The following BBS9 variants were observed in gnomAD, a reference collection of about 807,000 sequenced individuals.
The protein encoded by BBS9 is protein PTHB1.
Under a neutral mutation model 117.7 loss-of-function variants are expected in BBS9, and 89 were observed. That is an observed-to-expected ratio of 0.76 (90% CI 0.64 to 0.90). The LOEUF (loss-of-function observed/expected upper bound fraction) is 0.90, where lower values mean the gene tolerates loss of function less well. Among genes scored for constraint, BBS9 ranks in the 40% least tolerant of loss-of-function variants. BBS9 has a pLI of 0.00. For missense variants in BBS9, 982 were observed against 1,042.2 expected (o/e 0.94, Z 0.80); for synonymous variants, 379 against 370.9 (o/e 1.02, Z -0.25).
At chr7:33,329,020 T>TATTC (rs1184250394) in intron 9 of BBS9, among the ~76,000 whole-genome samples, 58 of 151,170 alleles carry the variant, frequency 3.8e-4, no homozygotes, top group African/African-American at 1.3e-3. Flanking sequence ...TTTATTTATT[T>TATTC]ATTTATTTGT....
Position 33,357,870 on chromosome 7 carries a change from T to G in BBS9, c.1568T>G (p.Ile523Ser). 1 of 1,612,096 alleles carries G rather than the reference T, an allele frequency of 6.2e-7. No individual in the cohort carries two copies. Among genetic ancestry groups the G allele is most frequent in the South Asian group, 1.1e-5 (1 of 91,032 alleles). The change falls in exon 16 of 23, where the codon ATC (isoleucine) becomes AGC (serine). Residue 523 changes from isoleucine to serine, a missense_variant. Transcript: ENST00000242067. ...TTTATTTTAGGCATTCCGCGAGTTA[T>G]CCAATGTAAATTTAGACTTCCCCTA... ...DRNPDGIPRV[I>S]QCKFRLPLKL...
chr7:33,259,038 G>T (rs1170103985), intron 6 of BBS9, among the ~76,000 whole-genome samples: 1 of 151,992 alleles, frequency 6.6e-6, no homozygotes, highest in Non-Finnish European at 1.5e-5. Context: ...AATCAAGAAG[G>T]TTTACAACAT....
rs541140226 is a variant in BBS9, at chr7:33,359,200, A to G, written c.1693+1205A>G. 4.4e-4 allele frequency among the ~76,000 whole-genome samples: 67 copies of G among 152,076 alleles called. 1 individual carries two copies. The highest frequency in any genetic ancestry group is 1.4e-3 in the African/African-American group (59 of 41,544). The stretch of plus-strand genomic sequence containing the variant: ...AACTTATTAGTTTCTTGGGTCTCCT[A>G]TACTACCTTAGGAACATAGTTGGAA... On this transcript the variant is annotated intron_variant, in intron 16 of 22. Transcript: ENST00000242067.
chr7:33,608,105 C>T (rs1864678940), downstream of BBS9, among the ~76,000 whole-genome samples: 1 of 151,968 alleles, frequency 6.6e-6, no homozygotes, highest in African/African-American at 2.4e-5. Context: ...TCCATGAGTA[C>T]CCATTGTTTA....
chr7:33,232,203 A>G (rs1792590136), intron 5 of BBS9, among the ~76,000 whole-genome samples: 1 of 152,154 alleles, frequency 6.6e-6, no homozygotes. Context: ...TATTATAGCA[A>G]TACCAATCTT....
chr7:33,245,543 T>C (rs535030413), intron 5 of BBS9, among the ~76,000 whole-genome samples: 24 of 152,304 alleles, frequency 1.6e-4, no homozygotes, highest in African/African-American at 5.5e-4. Context: ...GTAAATACTT[T>C]TGGTTCTAGT....
rs923435276 is a variant in BBS9, at chr7:33,325,223, A to G, written c.1017-11218A>G. Among the ~76,000 whole-genome samples, 9 of 152,276 alleles carry G rather than the reference A, an allele frequency of 5.9e-5. No individual in the cohort carries two copies. In the East Asian group the frequency reaches 7.7e-4, roughly 13 times the overall value. ...TATATTTTCAAATAGCCTGTCTTCA[A>G]GCTTACTAATTCTTCTACTTGATTA... On this transcript the variant is annotated intron_variant, in intron 9 of 22. Coordinates refer to ENST00000242067, the MANE Select transcript of BBS9 (RefSeq NM_198428.3).
At chr7:33,591,866 C>CCATCATCAT (rs138958813) in intron 21 of BBS9, among the ~76,000 whole-genome samples, 35 of 151,198 alleles carry the variant, frequency 2.3e-4, no homozygotes, top group African/African-American at 4.4e-4. Flanking sequence ...GCCGTCGTCG[C>CCATCATCAT]CATCATCATC....
intron 19 of BBS9, among the ~76,000 whole-genome samples, chr7:33,445,917 C>T: frequency 6.6e-6 from 1 of 152,152 alleles, no homozygotes; most frequent in Non-Finnish European, 1.5e-5. Flanking sequence ...AGGGCTTCCC[C>T]AGCCATGTGG....
intron 19 of BBS9, among the ~76,000 whole-genome samples, chr7:33,396,467 A>G (rs1827995451): frequency 6.6e-6 from 1 of 152,186 alleles, no homozygotes; most frequent in Non-Finnish European, 1.5e-5. Flanking sequence ...AAAATTGAAA[A>G]TGGTGTATGT....
At chr7:33,386,449 T>G (rs1563100175) in intron 18 of BBS9, among the ~76,000 whole-genome samples, 1 of 147,604 alleles carries the variant, frequency 6.8e-6, no homozygotes, top group Non-Finnish European at 1.5e-5. Flanking sequence ...TTGACTAGCT[T>G]GCTTTCATTT....
intron 21 of BBS9, among the ~76,000 whole-genome samples, chr7:33,587,374 A>G (rs1861084244): frequency 6.6e-6 from 1 of 151,996 alleles, no homozygotes; most frequent in Non-Finnish European, 1.5e-5. Flanking sequence ...TTCCTTAACC[A>G]GAGAGAGCTC....
intron 3 of BBS9, among the ~76,000 whole-genome samples, chr7:33,153,829 G>A (rs1296825477): frequency 6.6e-6 from 1 of 152,144 alleles, no homozygotes; most frequent in African/African-American, 2.4e-5. Context: ...GAAGTGGTTG[G>A]TAAATATCTA....
chr7:33,400,854 A>G (rs1828793150), intron 19 of BBS9, among the ~76,000 whole-genome samples: 1 of 152,222 alleles, frequency 6.6e-6, no homozygotes, highest in African/African-American at 2.4e-5. Context: ...AGCCTGGAAC[A>G]ATCTAGCAGT....
At chr7:33,456,900 G>T (rs2128926688) in intron 19 of BBS9, among the ~76,000 whole-genome samples, 1 of 152,186 alleles carries the variant, frequency 6.6e-6, no homozygotes, top group African/African-American at 2.4e-5. Flanking sequence ...ATCATTAGTT[G>T]GTTTTCCTAA....
At chr7:33,370,687 G>A (rs764019805) in intron 17 of BBS9, among the ~76,000 whole-genome samples, 2 of 152,196 alleles carry the variant, frequency 1.3e-5, no homozygotes, top group Middle Eastern at 3.4e-3. Flanking sequence ...ATGTAAATAC[G>A]TGTATATTCT....
intron 21 of BBS9, among the ~76,000 whole-genome samples, chr7:33,576,763 A>G (rs146897172): frequency 0.022 from 3,302 of 152,264 alleles, 69 homozygotes; most frequent in South Asian, 0.1. Flanking sequence ...GACATCTACA[A>G]TCATCTGATC....
At chr7:33,433,990 T>C (rs935754762) in intron 19 of BBS9, among the ~76,000 whole-genome samples, 1 of 152,096 alleles carries the variant, frequency 6.6e-6, no homozygotes, top group Non-Finnish European at 1.5e-5. Flanking sequence ...ATATGATGCA[T>C]ATTTTGCCGT....
chr7:33,139,770 C>G (rs1421444217), intron 1 of BBS9, among the ~76,000 whole-genome samples: 2 of 152,080 alleles, frequency 1.3e-5, no homozygotes, highest in African/African-American at 4.8e-5. Flanking sequence ...GACTTTTGAA[C>G]CGGCTGATGC....
Sources: gnomAD v4.1 joint callset for allele counts (sites outside exome capture counted in the v4.1 genomes callset) on GRCh38, gnomAD v4.1.1 for gene constraint, MANE v1.5 for transcripts, NCBI Gene and HGNC (gene_info 2026-07-23, HGNC 2026-07-21) for gene names.